TBC1D8B: variants seen among roughly 807,000 people sequenced by gnomAD.
TBC1D8B encodes the protein TBC1 domain family member 8B.
In TBC1D8B, 75 loss-of-function variants were observed where a neutral mutation model predicts 82.9. That is an observed-to-expected ratio of 0.90 (90% CI 0.75 to 1.10). The LOEUF is 1.10. TBC1D8B is among the 50% of genes least tolerant of loss of function. TBC1D8B has a pLI of 0.00. For missense variants in TBC1D8B, 794 were observed against 796.9 expected, an observed-to-expected ratio of 1.00 and a Z score of 0.04; for synonymous variants, 276 against 276.8, an observed-to-expected ratio of 1.00 and a Z score of 0.03.
intron 14 of TBC1D8B, among the ~76,000 whole-genome samples, chrX:106,858,562 A>G (rs2147767617): frequency 8.9e-6 from 1 of 112,248 alleles, no homozygotes; most frequent in Admixed American, 9.4e-5. Context: ...ATGAGCCACC[A>G]CACCTGGCCT....
Position 106,863,301 on chromosome X carries a change from G to A in TBC1D8B, c.2353-2258G>A, listed in dbSNP as rs752341427. On this transcript the variant is annotated intron_variant, in intron 14 of 20. Coordinates refer to ENST00000357242, the MANE Select transcript of TBC1D8B (RefSeq NM_017752.3). Reference sequence around the variant, plus strand: ...CTCTGCTGCATGGCTCCAGGGTAATGGTCTGTGAATGGGGACAGGGAGATG... The same window carrying A: ...CTCTGCTGCATGGCTCCAGGGTAATAGTCTGTGAATGGGGACAGGGAGATG... Among the ~76,000 whole-genome samples, 107 of 111,791 alleles carry A rather than the reference G, an allele frequency of 9.6e-4. 2 individuals are homozygous for A. Among genetic ancestry groups the A allele is most frequent in the African/African-American group, 3.3e-3 (103 of 30,809 alleles).
At position 106,826,221 on chromosome X, in the gene TBC1D8B, T is replaced by C; in HGVS notation, c.1019T>C (p.Ile340Thr). The change falls in exon 6 of 21, where the codon ATC becomes ACC. Residue 340 changes from isoleucine (I) to threonine (T), a missense_variant. Transcript: ENST00000357242. ...CAAGATGGCAATCAGTGTAGTGTAA[T>C]CATTCCACTACGAGAGGTAATGTAA... ...ASQDGNQCSV[I>T]IPLREVLAID... 8.3e-7 allele frequency: 1 copy of C among 1,208,102 alleles called. No homozygotes were observed. Among genetic ancestry groups the C allele is most frequent in the Non-Finnish European group, 1.1e-6 (1 of 893,561 alleles).
Position 106,808,552 on chromosome X carries a change from A to C in TBC1D8B, c.130+5569A>C, listed in dbSNP as rs1056407332. On this transcript the variant is annotated intron_variant, in intron 1 of 20. Transcript: ENST00000357242. ...ACAAAACACTGATAGTTACTAATTG[A>C]AGAATTTGGGCATGATAGTGATTAT... is the stretch of plus-strand genomic sequence containing the variant. 7.1e-5 allele frequency among the ~76,000 whole-genome samples: 8 copies of C among 112,309 alleles called. No homozygotes were observed. The South Asian group carries it at 2.9e-3, about 41-fold the overall frequency.
intron 8 of TBC1D8B, 141 bp from the exon 9 acceptor site, chrX:106,839,907 C>G (rs770004825): frequency 3.0e-5 from 16 of 538,589 alleles, no homozygotes; most frequent in South Asian, 8.1e-5. Context: ...CAGTGTTTCA[C>G]CCCTGGGTGA....
rs139256847 is a variant in TBC1D8B, at chrX:106,834,805, A to G, written c.1204-4503A>G. On this transcript the variant is annotated intron_variant, in intron 7 of 20. Transcript: ENST00000357242. ...CCCTGAAATGGTCTCCTTTGACTCC[A>G]TGTCTCATATCTAGGTCACACTGAT... 6.6e-3 allele frequency among the ~76,000 whole-genome samples: 735 copies of G among 112,006 alleles called. 7 individuals are homozygous for G. Among genetic ancestry groups the G allele is most frequent in the African/African-American group, 0.023 (699 of 30,841 alleles).
intron 7 of TBC1D8B, chrX:106,829,255 C>G (rs1174318881): frequency 1.9e-5 from 2 of 107,852 alleles, no homozygotes; most frequent in Admixed American, 9.7e-5. Flanking sequence ...AGGACCTCTT[C>G]AAGGAGAACT....
intron 5 of TBC1D8B, among the ~76,000 whole-genome samples, chrX:106,825,336 G>A (rs11092574): frequency 0.062 from 6,850 of 111,121 alleles, 554 homozygotes; most frequent in African/African-American, 0.21. Flanking sequence ...ATCCCAGATG[G>A]CATTGCTGCT....
chrX:106,863,472 G>C (rs1932793387), intron 14 of TBC1D8B, among the ~76,000 whole-genome samples: 1 of 111,364 alleles, frequency 9.0e-6, no homozygotes, highest in Non-Finnish European at 1.9e-5. Flanking sequence ...TATCCTTACT[G>C]GGTCGGCCCT....
chrX:106,858,518 C>T (rs754249672), intron 14 of TBC1D8B, among the ~76,000 whole-genome samples: 8 of 112,258 alleles, frequency 7.1e-5, no homozygotes, highest in East Asian at 2.8e-4. Flanking sequence ...GTGATCCACC[C>T]GCCTCAGCCT....
chrX:106,852,733 C>T lies in TBC1D8B; in HGVS notation c.2124-788C>T, dbSNP rs1156892788. On this transcript the variant is annotated intron_variant, in intron 12 of 20. Transcript: ENST00000357242. ...CAAAGATCAGATAGTTGTAGATATGCGGCATTATTTCTGAGGGCTCTGTTC... is the reference window on the plus strand; with the variant it reads ...CAAAGATCAGATAGTTGTAGATATGTGGCATTATTTCTGAGGGCTCTGTTC... Among the ~76,000 whole-genome samples the T allele has an allele frequency of 4.3e-3, 471 of 108,820 alleles. 3 individuals carry two copies. The highest frequency in any genetic ancestry group is 0.015 in the African/African-American group (454 of 29,843). The allele number at this position is 108,820 out of a possible 115,157, so 94.5% of individuals were successfully genotyped here.
chrX:106,838,619 A>T (rs1223336294), intron 7 of TBC1D8B, among the ~76,000 whole-genome samples: 3 of 111,699 alleles, frequency 2.7e-5, no homozygotes, highest in East Asian at 2.8e-4. Flanking sequence ...CCACATCATC[A>T]TCTGGTTTTT....
intron 17 of TBC1D8B, among the ~76,000 whole-genome samples, chrX:106,867,718 A>C (rs1240261418): frequency 7.2e-5 from 8 of 111,700 alleles, no homozygotes; most frequent in Non-Finnish European, 1.1e-4. Flanking sequence ...GTTTAAAGCT[A>C]CACCTGGGAT....
In TBC1D8B at chrX:106,821,869, G is replaced by A. The variant is rs1312111086; in HGVS notation, c.361-108G>A. On this transcript the variant is annotated intron_variant, in intron 3 of 20. Coordinates refer to ENST00000357242, the MANE Select transcript of TBC1D8B (RefSeq NM_017752.3). ...TGAATCCATGGATGAGGAACCCATG[G>A]ATATGGAGGGCTGACTGTACAATTG... 6 of 624,845 alleles carry A rather than the reference G, an allele frequency of 9.6e-6. No individual in the cohort carries two copies. The Admixed American group carries it at 1.8e-4, about 19-fold the overall frequency. 51.5% of individuals were successfully genotyped at this position (624,845 alleles called of 1,213,427 possible). A position where few individuals can be genotyped will look rare whatever the true frequency, so the allele number is the denominator to read the frequency against.
At chrX:106,823,534 A>G (rs1931756998) in intron 5 of TBC1D8B, 68 bp downstream of exon 5, 13 of 1,113,245 alleles carry the variant, frequency 1.2e-5, no homozygotes, top group Admixed American at 2.6e-5. Flanking sequence ...AGTATTGCTT[A>G]CCATTAAAAG....
intron 17 of TBC1D8B, 127 bp downstream of exon 17, chrX:106,866,989 C>T: frequency 2.3e-6 from 1 of 433,456 alleles, no homozygotes; most frequent in East Asian, 4.0e-5. Context: ...TTCACTGTGG[C>T]CCTCAAATTA....
chrX:106,807,550 G>GA (rs200557656), intron 1 of TBC1D8B, among the ~76,000 whole-genome samples: 6 of 101,812 alleles, frequency 5.9e-5, no homozygotes, highest in African/African-American at 2.3e-4. Flanking sequence ...TAATTCTAAT[G>GA]AAAGAAAAAA....
chrX:106,856,189 G>C (rs1345744439), intron 14 of TBC1D8B, among the ~76,000 whole-genome samples: 1 of 111,531 alleles, frequency 9.0e-6, no homozygotes, highest in South Asian at 3.7e-4. Context: ...ATTTTTCTAT[G>C]AGATTGTCTT....
chrX:106,860,433 A>G (rs1932763643), intron 14 of TBC1D8B, among the ~76,000 whole-genome samples: 1 of 105,261 alleles, frequency 9.5e-6, no homozygotes, highest in African/African-American at 3.5e-5. Flanking sequence ...CAGGGTTTCA[A>G]TTTCTTCCTG....
chrX:106,820,214 A>G (rs1237054266), intron 2 of TBC1D8B, among the ~76,000 whole-genome samples: 1 of 111,430 alleles, frequency 9.0e-6, no homozygotes, highest in Non-Finnish European at 1.9e-5. Flanking sequence ...TCTTCAAGTC[A>G]AAGCAACTAG....
Sources: gnomAD v4.1 joint callset for allele counts (sites outside exome capture counted in the v4.1 genomes callset) on GRCh38, gnomAD v4.1.1 for gene constraint, MANE v1.5 for transcripts, NCBI Gene and HGNC (gene_info 2026-07-23, HGNC 2026-07-21) for gene names.